The following KIF3C variants were observed in gnomAD, a reference collection of about 807,000 sequenced individuals.
KIF3C encodes kinesin family member 3C, also known as kinesin-like protein KIF3C.
In KIF3C, 12 loss-of-function variants were observed where a neutral mutation model predicts 67.7. The observed-to-expected ratio is 0.18, with a 90% CI of 0.11 to 0.29. The LOEUF (loss-of-function observed/expected upper bound fraction) is 0.29. KIF3C is among the 10% of genes least tolerant of loss of function. The pLI is 1.00. For synonymous variants in KIF3C, 393 were observed against 426.2 expected, an observed-to-expected ratio of 0.92 and a Z score of 0.96; for missense variants, 789 against 1,059.6, an observed-to-expected ratio of 0.74 and a Z score of 3.55.
rs965681689 is a variant in KIF3C, at chr2:25,929,005, G to A, written c.2355C>T (p.Arg785=). 9.3e-6 allele frequency: 15 copies of A among 1,613,646 alleles called. No homozygotes were observed. Among genetic ancestry groups the A allele is most frequent in the Non-Finnish European group, 1.3e-5 (15 of 1,179,998 alleles). The change falls in exon 8 of 8, where the codon CGC becomes CGT. Residue 785 remains arginine, a synonymous_variant. Transcript: ENST00000264712. ...ACTCATGGTCCGCCACTGTTGCAGG[G>A]CGCAGAGAAGCAGAGGCCAGGGAGG... The part of the protein sequence containing the change: ...THASLASASL[R]PATVADHE
intron 1 of KIF3C, among the ~76,000 whole-genome samples, chr2:25,975,287 C>T (rs537866355): frequency 2.0e-5 from 3 of 152,142 alleles, no homozygotes; most frequent in South Asian, 2.1e-4. Context: ...CAGTCTCCTG[C>T]GTAGCTGGGA....
chr2:25,931,798 C>T (rs1003879059), intron 5 of KIF3C, among the ~76,000 whole-genome samples: 36 of 151,898 alleles, frequency 2.4e-4, no homozygotes, highest in African/African-American at 7.5e-4. Flanking sequence ...CCACCACACC[C>T]GGCTAATTTT....
intron 5 of KIF3C, among the ~76,000 whole-genome samples, chr2:25,944,228 A>G (rs1486178431): frequency 6.6e-6 from 1 of 151,620 alleles, no homozygotes; most frequent in Non-Finnish European, 1.5e-5. Context: ...ATATTTCTTA[A>G]TAACTGTTTT....
intron 5 of KIF3C, among the ~76,000 whole-genome samples, chr2:25,935,371 C>CT (rs918501896): frequency 9.4e-4 from 141 of 149,470 alleles, no homozygotes; most frequent in African/African-American, 3.2e-3. Context: ...TTGCTGAAGC[C>CT]TTTTTTTTTT....
At chr2:25,977,919 A>T (rs1261852372) in intron 1 of KIF3C, among the ~76,000 whole-genome samples, 1 of 152,086 alleles carries the variant, frequency 6.6e-6, no homozygotes, top group East Asian at 1.9e-4. Flanking sequence ...GCTGAGTGTG[A>T]TGAGAAGTCA....
chr2:25,959,503 G>A (rs1663891787), intron 1 of KIF3C, among the ~76,000 whole-genome samples: 1 of 151,962 alleles, frequency 6.6e-6, no homozygotes, highest in South Asian at 2.1e-4. Context: ...GCAGTGGCGC[G>A]ATCTTGGCTC....
intron 2 of KIF3C, 23 bp downstream of exon 2, chr2:25,956,320 G>C (rs759568105): frequency 6.4e-7 from 1 of 1,573,106 alleles, no homozygotes; most frequent in Admixed American, 1.7e-5. Context: ...TCTCCAAGGG[G>C]ACCTGGCACC....
intron 1 of KIF3C, among the ~76,000 whole-genome samples, chr2:25,975,236 C>T (rs1664382839): frequency 6.6e-6 from 1 of 151,184 alleles, no homozygotes. Flanking sequence ...TCAAGGCTCA[C>T]TGCAGCCTCA....
In KIF3C at chr2:25,972,101, G is replaced by A. The variant is rs185263329; in HGVS notation, c.1545+8272C>T. Among the ~76,000 whole-genome samples, 560 of 151,928 alleles carry A rather than the reference G, an allele frequency of 3.7e-3. 2 individuals are homozygous for A. Among genetic ancestry groups the A allele is most frequent in the African/African-American group, 0.013 (545 of 41,438 alleles). ...AAGAGGTGCCCCAGACTGGCCAGGC[G>A]CAGTGGGCTGGCAGAGAAAAGTGCC... On this transcript the variant is annotated intron_variant, in intron 1 of 7. Transcript: ENST00000264712.
chr2:25,979,761 T>A (rs1291081165), intron 1 of KIF3C, among the ~76,000 whole-genome samples: 1 of 152,070 alleles, frequency 6.6e-6, no homozygotes, highest in East Asian at 1.9e-4. Flanking sequence ...CAGCATGAGG[T>A]CCATGGGTTC....
chr2:25,930,131 C>T (rs1326390589), intron 5 of KIF3C, 68 bp from the exon 6 acceptor site: 1 of 1,276,006 alleles, frequency 7.8e-7, no homozygotes, highest in African/African-American at 1.5e-5. Context: ...ATCATGAGGA[C>T]CTAAATATCA....
At chr2:25,964,270 G>C (rs1159976602) in intron 1 of KIF3C, among the ~76,000 whole-genome samples, 1 of 151,674 alleles carries the variant, frequency 6.6e-6, no homozygotes, top group Non-Finnish European at 1.5e-5. Flanking sequence ...CTCTAGCCTG[G>C]GCCACAGAGC....
chr2:25,979,719 A>G (rs1263451627), intron 1 of KIF3C, among the ~76,000 whole-genome samples: 1 of 152,126 alleles, frequency 6.6e-6, no homozygotes, highest in Non-Finnish European at 1.5e-5. Flanking sequence ...GAATCTGTTC[A>G]TGGTCCCACT....
At chr2:25,929,879 G>A in intron 6 of KIF3C, 76 bp downstream of exon 6, 1 of 1,028,392 alleles carries the variant, frequency 9.7e-7, no homozygotes, top group South Asian at 1.3e-5. Context: ...GCCTCCCACA[G>A]TGCTGGGATT....
chr2:25,973,281 C>T (rs1020840896), intron 1 of KIF3C, among the ~76,000 whole-genome samples: 3 of 152,110 alleles, frequency 2.0e-5, no homozygotes, highest in African/African-American at 4.8e-5. Context: ...AGGTCAGGCA[C>T]GGTGGCTCAT....
In KIF3C at chr2:25,928,599, G is replaced by GTC; in HGVS notation, c.*378_*379insGA. On this transcript the variant is annotated 3_prime_UTR_variant, in exon 8 of 8. Coordinates refer to ENST00000264712, the MANE Select transcript of KIF3C (RefSeq NM_002254.8). ...AAGATGGAGGTTATGGAGTGCGGTG[G>GTC]GTAGAAAAGGGACTGTCTTCTCAGG... 5.8e-6 allele frequency: 1 copy of GTC among 173,758 alleles called. No homozygotes were observed. The highest frequency in any genetic ancestry group is 5.7e-5 in the Admixed American group (1 of 17,576). 10.8% of individuals were successfully genotyped at this position (173,758 alleles called of 1,614,324 possible).
Position 25,949,173 on chromosome 2 carries a change from A to T in KIF3C, c.2006+2616T>A, listed in dbSNP as rs532872589. Among the ~76,000 whole-genome samples, 10 of 152,142 alleles carry T rather than the reference A, an allele frequency of 6.6e-5. No homozygotes were observed. The South Asian group carries it at 2.1e-3, about 32-fold the overall frequency. On this transcript the variant is annotated intron_variant, in intron 5 of 7. Transcript: ENST00000264712. ...GTCAAAATGTCTGCAACTTAATCTCAAGTGGTTGGGGGAAAGTTAAAGCAA... is the reference window on the plus strand; with the variant it reads ...GTCAAAATGTCTGCAACTTAATCTCTAGTGGTTGGGGGAAAGTTAAAGCAA...
rs781003942 is a variant in KIF3C at position 25,928,769 on chromosome 2, C to T, written c.*209G>A. ...CTCAGGCGAGGGCATCTCCCCAACACGAACAGAGCTCCGCGAATAAATAAC... is the reference window on the plus strand; with the variant it reads ...CTCAGGCGAGGGCATCTCCCCAACATGAACAGAGCTCCGCGAATAAATAAC... On this transcript the variant is annotated 3_prime_UTR_variant, in exon 8 of 8. Transcript: ENST00000264712. 1.5e-5 allele frequency: 8 copies of T among 525,524 alleles called. No individual in the cohort carries two copies. The highest frequency in any genetic ancestry group is 2.2e-5 in the South Asian group (1 of 44,482). The allele number at this position is 525,524 out of a possible 1,614,324, so 32.6% of individuals were successfully genotyped here.
At chr2:25,947,360 T>A (rs1436641243) in intron 5 of KIF3C, among the ~76,000 whole-genome samples, 1 of 151,952 alleles carries the variant, frequency 6.6e-6, no homozygotes, top group South Asian at 2.1e-4. Context: ...GGCGGGCAGA[T>A]CACGAGGTCA....
Sources: gnomAD v4.1 joint callset for allele counts (sites outside exome capture counted in the v4.1 genomes callset) on GRCh38, gnomAD v4.1.1 for gene constraint, MANE v1.5 for transcripts, NCBI Gene and HGNC (gene_info 2026-07-23, HGNC 2026-07-21) for gene names.